The following PNPLA7 variants were observed in gnomAD, a reference collection of about 807,000 sequenced individuals.
PNPLA7 encodes the protein patatin-like phospholipase domain-containing protein 7.
PNPLA7 carries 153 observed loss-of-function variants against 161.7 expected under a neutral mutation model. The observed-to-expected ratio is 0.95, with a 90% CI of 0.83 to 1.08. The LOEUF is 1.08. Among genes scored for constraint, PNPLA7 ranks in the 50% least tolerant of loss-of-function variants. The pLI is 0.00. For synonymous variants in PNPLA7, 809 were observed against 782.1 expected, an observed-to-expected ratio of 1.03 and a Z score of -0.57; for missense variants, 1,739 against 1,856.6, an observed-to-expected ratio of 0.94 and a Z score of 1.16.
At chr9:137,506,846 C>T (rs1184894274) in intron 12 of PNPLA7, among the ~76,000 whole-genome samples, 1 of 152,274 alleles carries the variant, frequency 6.6e-6, no homozygotes, top group Non-Finnish European at 1.5e-5. Context: ...AGATCCAGCC[C>T]TTCGTGTGCA....
intron 21 of PNPLA7, among the ~76,000 whole-genome samples, chr9:137,484,199 T>C (rs1011193081): frequency 2.0e-5 from 3 of 152,170 alleles, no homozygotes; most frequent in Non-Finnish European, 4.4e-5. Context: ...ATTACAAGCA[T>C]GAGCCACCGC....
rs1833873178 is a variant in PNPLA7, at chr9:137,505,618, A to G, written c.1469T>C (p.Leu490Pro). The stretch of plus-strand genomic sequence containing the variant: ...GTGCCCGCCGGGGCCACTCACTTCC[A>G]GCTTCATCAGGGTGAGCAGGTCCTT... ...AKKDLLTLMKLEDSSLLDGRV... is the reference protein window; with the variant it reads ...AKKDLLTLMKPEDSSLLDGRV... Residue 490 changes from leucine to proline, a missense_variant, in exon 14 of 35, where the codon CTG becomes CCG. Physicochemically the swap from Leu to Pro is moderately conservative, Grantham distance 98. This residue lies in a region of PNPLA7 where 481 missense variants were observed against 450.0 expected (regional missense o/e 1.07). Transcript: ENST00000406427. 6.2e-7 allele frequency: 1 copy of G among 1,613,840 alleles called. No individual in the cohort carries two copies. Among genetic ancestry groups the G allele is most frequent in the South Asian group, 1.1e-5 (1 of 91,090 alleles).
At chr9:137,492,478 C>G (rs1156269185) in intron 20 of PNPLA7, among the ~76,000 whole-genome samples, 1 of 98,846 alleles carries the variant, frequency 1.0e-5, no homozygotes, top group Admixed American at 1.1e-4. Context: ...CATGGGTGGG[C>G]GGGGCTCCAG....
intron 25 of PNPLA7, among the ~76,000 whole-genome samples, chr9:137,477,165 G>A (rs11137209): frequency 0.01 from 1,525 of 152,336 alleles, 25 homozygotes; most frequent in African/African-American, 0.035. Flanking sequence ...TGCCCCTTAC[G>A]CACCTGGCTC....
chr9:137,510,092 C>T lies in PNPLA7; in HGVS notation c.1226-4009G>A, dbSNP rs936255241. On this transcript the variant is annotated intron_variant, in intron 12 of 34. Transcript: ENST00000406427. ...AGAGGGCTCCTTGGTCTAGCGGTGA[C>T]GCCAGCGTCTGGGAAGACGCCCGTT... Among the ~76,000 whole-genome samples the T allele has an allele frequency of 5.3e-5, 8 of 152,130 alleles. No individual in the cohort carries two copies. The South Asian group carries it at 6.2e-4, about 12-fold the overall frequency.
At chr9:137,518,083 C>CA (rs1230554212) in intron 11 of PNPLA7, among the ~76,000 whole-genome samples, 3 of 110,572 alleles carry the variant, frequency 2.7e-5, no homozygotes, top group African/African-American at 4.1e-5. Context: ...CTCCATCCCC[C>CA]GTCACTCACT....
In PNPLA7 at chr9:137,547,332, A is replaced by G. The variant is rs1224699568; in HGVS notation, c.170T>C (p.Met57Thr). The G allele has an allele frequency of 6.2e-7, 1 of 1,613,590 alleles. No homozygotes were observed. Among genetic ancestry groups the G allele is most frequent in the Non-Finnish European group, 8.5e-7 (1 of 1,179,984 alleles). ...LALVGVLILF[M>T]FRRLRQFRQA... is the part of the protein sequence containing the mutation. The stretch of plus-strand genomic sequence containing the variant: ...ACGAAATTGTCTAAGCCTTCTGAAC[A>G]TGAAAAGGATGAGGACACCAACCAA... The change falls in exon 3 of 35, where the codon ATG becomes ACG. Residue 57 changes from methionine to threonine, a missense_variant. Physicochemically the swap from Met to Thr is moderately conservative, Grantham distance 81. Coordinates refer to ENST00000406427, the MANE Select transcript of PNPLA7 (RefSeq NM_001098537.3). This position sits in a 1 kb window ranked among gnomAD's most constrained non-coding sequence, Gnocchi z 4.6.
Position 137,500,957 on chromosome 9 carries a change from C to G in PNPLA7, c.1552-61G>C. On this transcript the variant is annotated intron_variant, in intron 15 of 34. Coordinates refer to ENST00000406427, the MANE Select transcript of PNPLA7 (RefSeq NM_001098537.3). The surrounding 1 kb of genome is among the most constrained non-coding windows in gnomAD (Gnocchi z 5.5). ...GGCCGCGGGCAGGACGGGGGCAGCTCTGGGCCCAGAGCGGACGATGCCACC... is the reference window on the plus strand; with the variant it reads ...GGCCGCGGGCAGGACGGGGGCAGCTGTGGGCCCAGAGCGGACGATGCCACC... The G allele has an allele frequency of 6.8e-7, 1 of 1,477,708 alleles. No individual in the cohort carries two copies. Among genetic ancestry groups the G allele is most frequent in the Non-Finnish European group, 9.1e-7 (1 of 1,099,812 alleles). 91.5% of individuals were successfully genotyped at this position (1,477,708 alleles called of 1,614,324 possible). A position where few individuals can be genotyped will look rare whatever the true frequency, so the allele number is the denominator to read the frequency against.
chr9:137,480,278 T>C, intron 23 of PNPLA7, 34 bp downstream of exon 23: 2 of 1,597,412 alleles, frequency 1.3e-6, no homozygotes, highest in Non-Finnish European at 1.7e-6. Context: ...AAGAGAGGGC[T>C]CTCCCCAGCT....
chr9:137,497,992 C>A (rs1440322262), intron 17 of PNPLA7, 122 bp downstream of exon 17: 1 of 1,457,980 alleles, frequency 6.9e-7, no homozygotes, highest in Admixed American at 1.9e-5. Context: ...ATCCAGCCTT[C>A]CATGTGTGGT....
At chr9:137,519,300 A>T (rs748176188) in intron 11 of PNPLA7, among the ~76,000 whole-genome samples, 2 of 152,188 alleles carry the variant, frequency 1.3e-5, no homozygotes, top group African/African-American at 4.8e-5. Flanking sequence ...GCCGCACCCG[A>T]CCGCTTCCTC....
Position 137,500,767 on chromosome 9 carries a change from C to A in PNPLA7, c.1681G>T (p.Gly561Trp), listed in dbSNP as rs145539193. The A allele has an allele frequency of 3.1e-6, 5 of 1,612,202 alleles. No individual in the cohort carries two copies. Among genetic ancestry groups the A allele is most frequent in the Non-Finnish European group, 4.2e-6 (5 of 1,179,812 alleles). ...EMVGQLAVLTGEPLIFTVKAN... is the reference protein window; with the variant it reads ...EMVGQLAVLTWEPLIFTVKAN... ...TTGACGGTGAAGATGAGAGGCTCCC[C>A]GGTGAGCACGGCCAGCTGGCCCACC... is the stretch of plus-strand genomic sequence containing the variant. The change falls in exon 16 of 35, where the codon GGG becomes TGG. Residue 561 changes from glycine to tryptophan, a missense_variant. Transcript: ENST00000406427. The surrounding 1 kb of genome is among the most constrained non-coding windows in gnomAD (Gnocchi z 5.5).
rs111943143 is a variant in PNPLA7 at position 137,500,879 on chromosome 9, G to T, written c.1569C>A (p.Phe523Leu). 7 of 1,577,298 alleles carry T rather than the reference G, an allele frequency of 4.4e-6. No homozygotes were observed. Among genetic ancestry groups the T allele is most frequent in the African/African-American group, 2.7e-5 (2 of 74,584 alleles). ...ACACGTGCAGCAGCCCCGAGACCAC[G>T]AACAGGATGCTGGCGTCCTGACACA... Reference protein sequence around the residue: ...RQGDQDASILFVVSGLLHVYQ... With the variant: ...RQGDQDASILLVVSGLLHVYQ... The change falls in exon 16 of 35, where the codon TTC becomes TTA. Residue 523 changes from phenylalanine to leucine, a missense_variant. By Grantham distance (22) the Phe-to-Leu change is conservative. Transcript: ENST00000406427. The surrounding 1 kb of genome is among the most constrained non-coding windows in gnomAD (Gnocchi z 5.5).
chr9:137,501,624 G>C, intron 15 of PNPLA7, 26 bp downstream of exon 15: 1 of 1,603,814 alleles, frequency 6.2e-7, no homozygotes, highest in Non-Finnish European at 8.5e-7. Flanking sequence ...GGTGGTCCCA[G>C]TGCCCCCCCC....
Position 137,540,805 on chromosome 9 carries a change from C to A in PNPLA7, c.667-83G>T, listed in dbSNP as rs745384403. 4.7e-6 allele frequency: 6 copies of A among 1,285,514 alleles called. No individual in the cohort carries two copies. The highest frequency in any genetic ancestry group is 4.4e-6 in the Non-Finnish European group (4 of 914,448). 79.6% of individuals were successfully genotyped at this position (1,285,514 alleles called of 1,614,324 possible). ...GGCGGAGGCTCAGCCCAGCCCAGGG[C>A]AGTGGGGCCACGGGCCTGCACCTCT... On this transcript the variant is annotated intron_variant, in intron 7 of 34. Transcript: ENST00000406427. This position sits in a 1 kb window ranked among gnomAD's most constrained non-coding sequence, Gnocchi z 5.1.
At chr9:137,534,330 A>T (rs541149341) in intron 8 of PNPLA7, among the ~76,000 whole-genome samples, 2 of 151,686 alleles carry the variant, frequency 1.3e-5, no homozygotes, top group Admixed American at 1.3e-4. Context: ...TGTCTACTCC[A>T]GGCGGGAGCA....
chr9:137,503,435 G>A (rs1403058287), intron 14 of PNPLA7, among the ~76,000 whole-genome samples: 3 of 128,038 alleles, frequency 2.3e-5, no homozygotes, highest in Non-Finnish European at 4.9e-5. Flanking sequence ...GAAGGAGAAT[G>A]AGGAGGGGGA....
In PNPLA7 at chr9:137,537,290, C is replaced by T. The variant is rs1835943853; in HGVS notation, c.747+3352G>A. 2.0e-5 allele frequency among the ~76,000 whole-genome samples: 3 copies of T among 152,088 alleles called. No individual in the cohort carries two copies. The highest frequency in any genetic ancestry group is 1.3e-4 in the Admixed American group (2 of 15,268). On this transcript the variant is annotated intron_variant, in intron 8 of 34. Transcript: ENST00000406427. The surrounding 1 kb of genome is among the most constrained non-coding windows in gnomAD (Gnocchi z 4.5). ...GGCAGATGATCAACTGATCACAATA[C>T]AGAATTACCTCTCTCAGATATCACC... is the stretch of plus-strand genomic sequence containing the variant.
chr9:137,507,187 T>C (rs1164491823), intron 12 of PNPLA7, among the ~76,000 whole-genome samples: 1 of 152,236 alleles, frequency 6.6e-6, no homozygotes, highest in African/African-American at 2.4e-5. Flanking sequence ...GTATTACTCA[T>C]GCCCCCGTCA....
Sources: gnomAD v4.1 joint callset for allele counts (sites outside exome capture counted in the v4.1 genomes callset) on GRCh38, gnomAD v4.1.1 for gene constraint, gnomAD v4.1.1 regional missense constraint, Gnocchi (gnomAD v3.1) non-coding constraint, MANE v1.5 for transcripts, NCBI Gene and HGNC (gene_info 2026-07-23, HGNC 2026-07-21) for gene names.